ARHGAP15: variants seen among roughly 807,000 people sequenced by gnomAD.
The protein encoded by ARHGAP15 is rho GTPase-activating protein 15.
ARHGAP15 carries 51 observed loss-of-function variants against 63.7 expected under a neutral mutation model. The ratio of observed to expected loss-of-function variants is 0.80; its 90% CI spans 0.64 to 1.01. ARHGAP15 has a LOEUF of 1.01. Among genes scored for constraint, ARHGAP15 ranks in the 50% least tolerant of loss-of-function variants. The pLI is 0.00. For synonymous variants in ARHGAP15, 191 were observed against 193.8 expected, an observed-to-expected ratio of 0.99 and a Z score of 0.12; for missense variants, 560 against 564.6, an observed-to-expected ratio of 0.99 and a Z score of 0.08.
chr2:143,556,953 TAC>T (rs1045570515), intron 11 of ARHGAP15, among the ~76,000 whole-genome samples: 5 of 152,064 alleles, frequency 3.3e-5, no homozygotes, highest in Non-Finnish European at 7.4e-5. Context: ...AACAATGAGA[TAC>T]CACTACACAC....
At chr2:143,311,490 A>T (rs1178591769) in intron 6 of ARHGAP15, among the ~76,000 whole-genome samples, 1 of 152,140 alleles carries the variant, frequency 6.6e-6, no homozygotes, top group East Asian at 1.9e-4. Context: ...TACCTATCAT[A>T]TCATTTGCAG....
At chr2:143,475,419 A>G (rs992901450) in intron 8 of ARHGAP15, among the ~76,000 whole-genome samples, 7 of 152,258 alleles carry the variant, frequency 4.6e-5, no homozygotes, top group African/African-American at 1.7e-4. Context: ...ATTTTGGAGC[A>G]AATAGCTTAA....
chr2:143,587,543 TA>T, intron 11 of ARHGAP15: 10 of 279,056 alleles, frequency 3.6e-5, no homozygotes, highest in Middle Eastern at 4.6e-4. Context: ...ACATTACTTT[TA>T]AAAAAAAGCC....
At chr2:143,195,171 T>C (rs553487894) in intron 2 of ARHGAP15, among the ~76,000 whole-genome samples, 18 of 152,070 alleles carry the variant, frequency 1.2e-4, no homozygotes, top group African/African-American at 4.3e-4. Flanking sequence ...GATTTCTGAC[T>C]GACAATAATA....
intron 13 of ARHGAP15, among the ~76,000 whole-genome samples, chr2:143,708,021 G>A (rs1392969885): frequency 6.6e-6 from 1 of 152,140 alleles, no homozygotes; most frequent in Non-Finnish European, 1.5e-5. Context: ...TGGTATAGGA[G>A]GAGACATTGA....
intron 13 of ARHGAP15, among the ~76,000 whole-genome samples, chr2:143,711,615 A>T (rs1362377084): frequency 2.0e-5 from 3 of 152,238 alleles, no homozygotes; most frequent in Non-Finnish European, 2.9e-5. Context: ...AATACCATAC[A>T]GTCTGATAAG....
At chr2:143,609,982 G>A (rs764753621) in intron 11 of ARHGAP15, among the ~76,000 whole-genome samples, 1 of 152,144 alleles carries the variant, frequency 6.6e-6, no homozygotes, top group Non-Finnish European at 1.5e-5. Flanking sequence ...GAAGTGGTGG[G>A]ATTGGGCCAT....
chr2:143,260,143 C>G (rs1680646763), intron 6 of ARHGAP15, among the ~76,000 whole-genome samples: 1 of 152,050 alleles, frequency 6.6e-6, no homozygotes, highest in African/African-American at 2.4e-5. Context: ...GACTCAGAAA[C>G]TCGTAATCCT....
intron 6 of ARHGAP15, among the ~76,000 whole-genome samples, chr2:143,356,183 T>C (rs1030641083): frequency 1.3e-5 from 2 of 152,186 alleles, no homozygotes; most frequent in Non-Finnish European, 2.9e-5. Flanking sequence ...ACCTGGGGAA[T>C]GCCTCTCCAG....
intron 6 of ARHGAP15, among the ~76,000 whole-genome samples, chr2:143,255,603 T>A (rs1048663095): frequency 2.0e-5 from 3 of 148,154 alleles, no homozygotes; most frequent in African/African-American, 7.5e-5. Context: ...TGAAGATAAT[T>A]TAATAACATC....
chr2:143,163,305 T>A (rs555214951), intron 2 of ARHGAP15, among the ~76,000 whole-genome samples: 1 of 151,998 alleles, frequency 6.6e-6, no homozygotes, highest in South Asian at 2.1e-4. Context: ...TTTGCAGGCC[T>A]CCATAATAAC....
chr2:143,183,665 CT>C (rs954971352), intron 2 of ARHGAP15, among the ~76,000 whole-genome samples: 1 of 151,346 alleles, frequency 6.6e-6, no homozygotes, highest in African/African-American at 2.4e-5. Flanking sequence ...CTCTAAAACA[CT>C]TTAAAAATCT....
At chr2:143,137,645 A>G (rs1689202318) in intron 1 of ARHGAP15, among the ~76,000 whole-genome samples, 1 of 152,122 alleles carries the variant, frequency 6.6e-6, no homozygotes, top group Middle Eastern at 3.4e-3. Context: ...TAAGTATTTA[A>G]ATTTTAAGCA....
At chr2:143,175,324 T>C (rs143746812) in intron 2 of ARHGAP15, among the ~76,000 whole-genome samples, 2 of 152,208 alleles carry the variant, frequency 1.3e-5, no homozygotes, top group East Asian at 3.9e-4. Flanking sequence ...ATTAACCACA[T>C]AGTAAGTTAA....
intron 10 of ARHGAP15, among the ~76,000 whole-genome samples, chr2:143,545,071 T>G (rs918790016): frequency 1.3e-5 from 2 of 152,224 alleles, no homozygotes; most frequent in Non-Finnish European, 2.9e-5. Context: ...AGAACCATTT[T>G]GTCTGTGATC....
chr2:143,590,774 C>T (rs936764351), intron 11 of ARHGAP15, among the ~76,000 whole-genome samples: 8 of 152,018 alleles, frequency 5.3e-5, no homozygotes, highest in African/African-American at 1.9e-4. Flanking sequence ...ATTACTTGGG[C>T]CTTCACTAGA....
intron 11 of ARHGAP15, among the ~76,000 whole-genome samples, chr2:143,614,101 C>G (rs1292958362): frequency 1.3e-5 from 2 of 152,112 alleles, no homozygotes; most frequent in Non-Finnish European, 2.9e-5. Flanking sequence ...TTTTCTTCAT[C>G]TCTTCTCTTC....
At chr2:143,476,312 C>G (rs539821663) in intron 8 of ARHGAP15, among the ~76,000 whole-genome samples, 2 of 152,270 alleles carry the variant, frequency 1.3e-5, no homozygotes, top group African/African-American at 4.8e-5. Flanking sequence ...ATTCTTCCTA[C>G]TCATGGGGGT....
At chr2:143,336,056 A>C (rs933439268) in intron 6 of ARHGAP15, among the ~76,000 whole-genome samples, 2 of 152,072 alleles carry the variant, frequency 1.3e-5, no homozygotes, top group African/African-American at 4.8e-5. Context: ...GCTAGACTGC[A>C]GTGGTGTGAT....
Sources: gnomAD v4.1 joint callset for allele counts (sites outside exome capture counted in the v4.1 genomes callset) on GRCh38, gnomAD v4.1.1 for gene constraint, MANE v1.5 for transcripts, NCBI Gene and HGNC (gene_info 2026-07-23, HGNC 2026-07-21) for gene names.